The following ATP8B4 variants were observed in gnomAD, a reference collection of about 807,000 sequenced individuals.
ATP8B4 encodes the protein probable phospholipid-transporting ATPase IM.
Under a neutral mutation model 145.6 loss-of-function variants are expected in ATP8B4, and 133 were observed. The observed-to-expected ratio is 0.91, with a 90% CI of 0.79 to 1.05. The LOEUF (loss-of-function observed/expected upper bound fraction) is 1.05. ATP8B4 is among the 50% of genes least tolerant of loss of function. The probability of loss-of-function intolerance (pLI) is 0.00; values close to 1 mark genes in which losing one functional copy is unlikely to be tolerated. For missense variants in ATP8B4, 1,458 were observed against 1,425.2 expected (o/e 1.02, Z -0.37); for synonymous variants, 507 against 492.9 (o/e 1.03, Z -0.38).
chr15:49,873,488 G>A (rs1270389454), intron 25 of ATP8B4, among the ~76,000 whole-genome samples: 4 of 152,100 alleles, frequency 2.6e-5, no homozygotes, highest in African/African-American at 9.7e-5. Context: ...TAAGATAAAT[G>A]CTTGTGACAC....
intron 1 of ATP8B4, among the ~76,000 whole-genome samples, chr15:50,175,190 A>G (rs1050025476): frequency 2.6e-5 from 4 of 152,230 alleles, no homozygotes; most frequent in African/African-American, 9.6e-5. Flanking sequence ...AACTATAAAA[A>G]TTCTAGAACA....
chr15:50,161,057 G>A (rs184792228), intron 1 of ATP8B4, among the ~76,000 whole-genome samples: 1 of 152,084 alleles, frequency 6.6e-6, no homozygotes, highest in Non-Finnish European at 1.5e-5. Flanking sequence ...TACTCCAGTG[G>A]TGGGTGCATA....
At chr15:50,003,068 C>G (rs1227882553) in intron 7 of ATP8B4, among the ~76,000 whole-genome samples, 1 of 152,080 alleles carries the variant, frequency 6.6e-6, no homozygotes, top group South Asian at 2.1e-4. Context: ...TAAATTTTAG[C>G]AATTTAGTTT....
Position 49,947,250 on chromosome 15 carries a change from G to A in ATP8B4, c.1288-13068C>T, listed in dbSNP as rs550168733. ...GATTGAGACCATCCTGGCCAACATG[G>A]TGAAACCCTGTCTCTACTAAAATAC... On this transcript the variant is annotated intron_variant, in intron 14 of 27. Coordinates refer to ENST00000284509, the MANE Select transcript of ATP8B4 (RefSeq NM_024837.4). 5.9e-5 allele frequency among the ~76,000 whole-genome samples: 9 copies of A among 152,142 alleles called. No homozygotes were observed. The South Asian group carries it at 1.2e-3, about 21-fold the overall frequency.
intron 13 of ATP8B4, among the ~76,000 whole-genome samples, chr15:49,968,790 G>A (rs1481616752): frequency 6.6e-6 from 1 of 152,138 alleles, no homozygotes; most frequent in Non-Finnish European, 1.5e-5. Context: ...GACATCTACA[G>A]AACTCTCCAC....
At chr15:49,926,188 C>G (rs140626588) in intron 16 of ATP8B4, among the ~76,000 whole-genome samples, 1 of 152,100 alleles carries the variant, frequency 6.6e-6, no homozygotes, top group Non-Finnish European at 1.5e-5. Context: ...ATCCGACTAC[C>G]AGTTGAAAAT....
chr15:49,860,573 T>G, intron 27 of ATP8B4, 98 bp from the exon 28 acceptor site: 1 of 1,352,958 alleles, frequency 7.4e-7, no homozygotes. Flanking sequence ...TTTTTATAAG[T>G]AAAAACAACA....
rs374520217 is a variant in ATP8B4 at position 49,998,440 on chromosome 15, C to T, written c.507-1681G>A. On this transcript the variant is annotated intron_variant, in intron 8 of 27. Transcript: ENST00000284509. ...TTTTAATGATTGCCATTCTAACTGG[C>T]GTGAGACGGTATCTCATTGTAGTTT... Among the ~76,000 whole-genome samples, 284 of 152,204 alleles carry T rather than the reference C, an allele frequency of 1.9e-3. 1 individual carries two copies. Among genetic ancestry groups the T allele is most frequent in the African/African-American group, 6.1e-3 (254 of 41,538 alleles).
intron 20 of ATP8B4, among the ~76,000 whole-genome samples, chr15:49,913,480 T>G (rs768940771): frequency 6.6e-6 from 1 of 152,092 alleles, no homozygotes; most frequent in Non-Finnish European, 1.5e-5. Flanking sequence ...GGATGCTCAC[T>G]TTTTCCACTC....
intron 14 of ATP8B4, among the ~76,000 whole-genome samples, chr15:49,952,498 CT>C (rs903845082): frequency 3.3e-5 from 5 of 152,088 alleles, no homozygotes; most frequent in African/African-American, 1.2e-4. Flanking sequence ...GCTGTTGATA[CT>C]TGTGTATATT....
chr15:49,913,294 C>T lies in ATP8B4; in HGVS notation c.2141+3640G>A, dbSNP rs994421779. Among the ~76,000 whole-genome samples the T allele has an allele frequency of 2.6e-5, 4 of 152,022 alleles. No individual in the cohort carries two copies. The East Asian group carries it at 5.8e-4, about 22-fold the overall frequency. On this transcript the variant is annotated intron_variant, in intron 20 of 27. Transcript: ENST00000284509. ...ACAAAAACCATATAGTTATCTCAATCGATGCAGAAAAATCATTTGATAAAA... is the reference window on the plus strand; with the variant it reads ...ACAAAAACCATATAGTTATCTCAATTGATGCAGAAAAATCATTTGATAAAA...
chr15:49,934,285 T>G, intron 14 of ATP8B4, 103 bp from the exon 15 acceptor site: 2 of 1,321,840 alleles, frequency 1.5e-6, no homozygotes, highest in Non-Finnish European at 2.0e-6. Context: ...TGTATTATTT[T>G]GCAGCCTCAA....
In ATP8B4 at chr15:50,047,442, T is replaced by C. The variant is rs1600063586; in HGVS notation, c.110A>G (p.Lys37Arg). ...QYADNRIHTS[K>R]YNILTFLPIN... Reference sequence around the variant, plus strand: ...TGGCAAGAAGGTGAGAATATTATATTTCGATGTGTGGATACGATTATCCTG... The same window carrying C: ...TGGCAAGAAGGTGAGAATATTATATCTCGATGTGTGGATACGATTATCCTG... The change falls in exon 4 of 28, where the codon AAA becomes AGA. Residue 37 changes from lysine (K) to arginine (R), a missense_variant. Physicochemically the swap from Lys to Arg is conservative, Grantham distance 26. Transcript: ENST00000284509. 1.3e-6 allele frequency: 2 copies of C among 1,584,266 alleles called. No individual in the cohort carries two copies. Among genetic ancestry groups the C allele is most frequent in the Non-Finnish European group, 8.7e-7 (1 of 1,152,994 alleles).
At chr15:50,062,777 GA>G (rs1034262994) in intron 3 of ATP8B4, among the ~76,000 whole-genome samples, 3 of 151,828 alleles carry the variant, frequency 2.0e-5, no homozygotes, top group African/African-American at 4.8e-5. Flanking sequence ...GTACAAGGGA[GA>G]AAAAAAATCA....
chr15:50,066,048 AC>A (rs1205192338), intron 3 of ATP8B4, among the ~76,000 whole-genome samples: 2 of 151,852 alleles, frequency 1.3e-5, no homozygotes, highest in Non-Finnish European at 2.9e-5. Flanking sequence ...AATTAGGGAA[AC>A]AAGAAACCAG....
chr15:49,860,245 T>C lies in ATP8B4; in HGVS notation c.3528A>G (p.Lys1176=), dbSNP rs2031377314. 6.2e-7 allele frequency: 1 copy of C among 1,614,054 alleles called. No individual in the cohort carries two copies. The highest frequency in any genetic ancestry group is 1.7e-5 in the Admixed American group (1 of 60,006). The change falls in exon 28 of 28, where the codon AAA becomes AAG. Residue 1176 remains lysine, a synonymous_variant. Transcript: ENST00000284509. ...STSWIENLCK[K]TTDTVSSFSQ... The stretch of plus-strand genomic sequence containing the variant: ...TAAAGCTGCTCACGGTGTCTGTGGT[T>C]TTCTTACATAAATTTTCAATCCAGC...
At chr15:49,919,566 C>T (rs1324115567) in intron 18 of ATP8B4, among the ~76,000 whole-genome samples, 1 of 152,068 alleles carries the variant, frequency 6.6e-6, no homozygotes, top group Admixed American at 6.6e-5. Flanking sequence ...TACAGGCGCC[C>T]GCCACCGCAC....
intron 2 of ATP8B4, among the ~76,000 whole-genome samples, chr15:50,084,760 C>T (rs1423431313): frequency 1.3e-5 from 2 of 152,132 alleles, no homozygotes; most frequent in Non-Finnish European, 2.9e-5. Context: ...CTAAAAGCTG[C>T]CCACGTCCCT....
rs142381150 is a variant in ATP8B4, at chr15:50,047,246, T to G, written c.201+105A>C. ...AGATTAAAAATCTGATAAAGGATGA[T>G]TGTACCTAATCACGAACATTTAGCT... On this transcript the variant is annotated intron_variant, in intron 4 of 27. Coordinates refer to ENST00000284509, the MANE Select transcript of ATP8B4 (RefSeq NM_024837.4). The G allele has an allele frequency of 8.4e-5, 58 of 689,756 alleles. No homozygotes were observed. In the African/African-American group the frequency reaches 8.5e-4, roughly 10 times the overall value. The allele number at this position is 689,756 out of a possible 1,614,324, so 42.7% of individuals were successfully genotyped here. A position where few individuals can be genotyped will look rare whatever the true frequency, so the allele number is the denominator to read the frequency against.
Sources: allele counts gnomAD v4.1 joint callset (sites outside exome capture counted in the v4.1 genomes callset), GRCh38; gene constraint gnomAD v4.1.1; transcripts MANE v1.5; gene names NCBI Gene and HGNC (gene_info 2026-07-23, HGNC 2026-07-21).